The following DACH1 variants were observed in gnomAD, a reference collection of about 807,000 sequenced individuals.
The protein encoded by DACH1 is dachshund homolog 1.
In DACH1, 12 loss-of-function variants were observed where a neutral mutation model predicts 54.2. The observed-to-expected ratio is 0.22, with a 90% CI of 0.14 to 0.36. The LOEUF is 0.36. DACH1 is among the 10% of genes least tolerant of loss of function. The pLI is 1.00. For synonymous variants in DACH1, 386 were observed against 366.2 expected, an observed-to-expected ratio of 1.05 and a Z score of -0.62; for missense variants, 805 against 929.8, an observed-to-expected ratio of 0.87 and a Z score of 1.75.
intron 1 of DACH1, among the ~76,000 whole-genome samples, chr13:71,705,542 T>C (rs901995093): frequency 6.6e-6 from 1 of 152,182 alleles, no homozygotes; most frequent in Non-Finnish European, 1.5e-5. Context: ...AAAATGAATT[T>C]ATTCAAAAAA....
In DACH1 at chr13:71,721,458, C is replaced by A. The variant is rs372229090; in HGVS notation, c.849-39548G>T. The stretch of plus-strand genomic sequence containing the variant: ...CAAACACTTAAATGCCACTTTTACT[C>A]ATTTGGTAACTAGGGGTAGTCCAAA... On this transcript the variant is annotated intron_variant, in intron 1 of 10. Coordinates refer to ENST00000613252, the MANE Select transcript of DACH1 (RefSeq NM_080759.6). Among the ~76,000 whole-genome samples, 16 of 152,250 alleles carry A rather than the reference C, an allele frequency of 1.1e-4. No homozygotes were observed. The East Asian group carries it at 3.1e-3, about 29-fold the overall frequency.
chr13:71,683,383 C>A (rs561100486), intron 1 of DACH1, among the ~76,000 whole-genome samples: 7 of 151,992 alleles, frequency 4.6e-5, no homozygotes, highest in African/African-American at 1.7e-4. Context: ...GAAGAATTAA[C>A]CATGGAGAAG....
At chr13:71,689,457 T>G (rs1047590133) in intron 1 of DACH1, among the ~76,000 whole-genome samples, 5 of 152,144 alleles carry the variant, frequency 3.3e-5, no homozygotes, top group Admixed American at 3.3e-4. Context: ...CCAGAGGAAA[T>G]GCAAGAGTTC....
intron 1 of DACH1, among the ~76,000 whole-genome samples, chr13:71,718,514 T>C (rs1883085680): frequency 6.8e-6 from 1 of 146,850 alleles, no homozygotes; most frequent in South Asian, 2.1e-4. Context: ...AAATCCAAAA[T>C]GCAGTGAGCT....
At chr13:71,575,474 G>A (rs890356238) in intron 3 of DACH1, among the ~76,000 whole-genome samples, 10 of 151,714 alleles carry the variant, frequency 6.6e-5, no homozygotes, top group African/African-American at 9.7e-5. Flanking sequence ...TTACTGCCAC[G>A]ATAAATAAAT....
intron 6 of DACH1, among the ~76,000 whole-genome samples, chr13:71,552,299 C>A (rs1883867356): frequency 6.6e-6 from 1 of 151,926 alleles, no homozygotes; most frequent in African/African-American, 2.4e-5. Flanking sequence ...GACCAAAATA[C>A]AATAATACAA....
At chr13:71,515,107 T>C (rs1426831488) in intron 6 of DACH1, among the ~76,000 whole-genome samples, 1 of 151,958 alleles carries the variant, frequency 6.6e-6, no homozygotes, top group African/African-American at 2.4e-5. Flanking sequence ...CATGTTATGA[T>C]ATTTTTCCAG....
chr13:71,553,651 A>AGT (rs1350643009), intron 6 of DACH1, among the ~76,000 whole-genome samples: 1 of 139,792 alleles, frequency 7.2e-6, no homozygotes, highest in African/African-American at 2.9e-5. Flanking sequence ...TTATATATAT[A>AGT]GTATATATAT....
At chr13:71,828,232 C>G (rs1888453254) in intron 1 of DACH1, among the ~76,000 whole-genome samples, 2 of 151,942 alleles carry the variant, frequency 1.3e-5, no homozygotes, top group Admixed American at 1.3e-4. Flanking sequence ...CTAAACTCTT[C>G]TGAGGAAGAC....
chr13:71,545,466 A>G (rs1407807166), intron 6 of DACH1, among the ~76,000 whole-genome samples: 1 of 151,474 alleles, frequency 6.6e-6, no homozygotes, highest in Non-Finnish European at 1.5e-5. Context: ...GTAACCTCAA[A>G]GTATCTCATA....
chr13:71,816,679 T>C lies in DACH1; in HGVS notation c.848+49243A>G, dbSNP rs1445607072. Among the ~76,000 whole-genome samples, 17 of 140,394 alleles carry C rather than the reference T, an allele frequency of 1.2e-4. 1 individual carries two copies. Among genetic ancestry groups the C allele is most frequent in the Admixed American group, 5.0e-4 (7 of 13,886 alleles). 92.1% of individuals were successfully genotyped at this position (140,394 alleles called of 152,430 possible). On this transcript the variant is annotated intron_variant, in intron 1 of 10. Transcript: ENST00000613252. ...ATACACGTGTATATATATACACACA[T>C]ATATATATACACATATATATATATA...
At chr13:71,803,562 C>G (rs1392874841) in intron 1 of DACH1, among the ~76,000 whole-genome samples, 2 of 152,030 alleles carry the variant, frequency 1.3e-5, no homozygotes, top group African/African-American at 4.8e-5. Context: ...ATAAATATTC[C>G]TCACATAGAC....
intron 1 of DACH1, among the ~76,000 whole-genome samples, chr13:71,724,661 A>G (rs1284298107): frequency 6.6e-6 from 1 of 152,170 alleles, no homozygotes; most frequent in Non-Finnish European, 1.5e-5. Context: ...ATCAAAAAAT[A>G]CATAGAAAAT....
At chr13:71,732,529 G>C (rs373675972) in intron 1 of DACH1, among the ~76,000 whole-genome samples, 1 of 150,302 alleles carries the variant, frequency 6.7e-6, no homozygotes, top group South Asian at 2.1e-4. Flanking sequence ...AGGTTGCAGT[G>C]AGCTGAGACC....
intron 1 of DACH1, among the ~76,000 whole-genome samples, chr13:71,828,359 T>C (rs1424085775): frequency 6.6e-6 from 1 of 151,998 alleles, no homozygotes; most frequent in Non-Finnish European, 1.5e-5. Flanking sequence ...TCTCCACAGC[T>C]TACTGTTCCT....
intron 2 of DACH1, among the ~76,000 whole-genome samples, chr13:71,645,367 T>C (rs990558611): frequency 1.3e-5 from 2 of 152,188 alleles, no homozygotes; most frequent in Non-Finnish European, 2.9e-5. Context: ...ACAAGTTGCA[T>C]GTATGTGCGT....
chr13:71,650,035 C>T (rs1187469546), intron 2 of DACH1, among the ~76,000 whole-genome samples: 2 of 152,182 alleles, frequency 1.3e-5, no homozygotes, highest in Admixed American at 6.5e-5. Context: ...AAAGCTACCC[C>T]ATGATACACA....
intron 1 of DACH1, among the ~76,000 whole-genome samples, chr13:71,823,150 AT>A (rs1888255430): frequency 6.6e-6 from 1 of 152,122 alleles, no homozygotes; most frequent in Non-Finnish European, 1.5e-5. Context: ...TTCCATAGTT[AT>A]TCATAATAAA....
chr13:71,656,819 C>T lies in DACH1; in HGVS notation c.964+24976G>A, dbSNP rs553629015. Reference sequence around the variant, plus strand: ...GACTTGAAAAGTATAGATAGATAGACAGATAGATAGACAGATAGATTGATA... The same window carrying T: ...GACTTGAAAAGTATAGATAGATAGATAGATAGATAGACAGATAGATTGATA... On this transcript the variant is annotated intron_variant, in intron 2 of 10. Coordinates refer to ENST00000613252, the MANE Select transcript of DACH1 (RefSeq NM_080759.6). Among the ~76,000 whole-genome samples the T allele has an allele frequency of 1.2e-4, 17 of 146,536 alleles. No individual in the cohort carries two copies. The South Asian group carries it at 2.6e-3, about 22-fold the overall frequency.
Sources: gnomAD v4.1 joint callset for allele counts (sites outside exome capture counted in the v4.1 genomes callset) on GRCh38, gnomAD v4.1.1 for gene constraint, MANE v1.5 for transcripts, NCBI Gene and HGNC (gene_info 2026-07-23, HGNC 2026-07-21) for gene names.